Variants in KATNAL1 observed in about 807,000 individuals in gnomAD.
KATNAL1 encodes katanin catalytic subunit A1 like 1.
A neutral mutation model predicts 55.2 loss-of-function variants in KATNAL1; 32 were observed. The observed-to-expected ratio is 0.58, with a 90% CI of 0.44 to 0.78. The LOEUF (loss-of-function observed/expected upper bound fraction) is 0.78. KATNAL1 is among the 30% of genes least tolerant of loss of function. KATNAL1 has a pLI of 0.00. For missense variants in KATNAL1, 466 were observed against 600.9 expected, an observed-to-expected ratio of 0.78 and a Z score of 2.35; for synonymous variants, 193 against 193.6, an observed-to-expected ratio of 1.00 and a Z score of 0.02.
chr13:30,287,585 T>A (rs1175477166), intron 1 of KATNAL1, among the ~76,000 whole-genome samples: 1 of 152,194 alleles, frequency 6.6e-6, no homozygotes, highest in Admixed American at 6.5e-5. Context: ...AGTAACAAAT[T>A]TCAATGTCCA....
chr13:30,258,772 C>G (rs1038409514), intron 3 of KATNAL1, among the ~76,000 whole-genome samples: 1 of 151,640 alleles, frequency 6.6e-6, no homozygotes, highest in Admixed American at 6.6e-5. Flanking sequence ...TTTTTTTTCA[C>G]CCAAATGGAT....
chr13:30,207,990 G>A lies in KATNAL1; in HGVS notation c.*550C>T, dbSNP rs1162149874. The A allele has an allele frequency of 6.6e-5, 10 of 152,198 alleles. No individual in the cohort carries two copies. Among genetic ancestry groups the A allele is most frequent in the Admixed American group, 6.5e-4 (10 of 15,278 alleles). 9.4% of individuals were successfully genotyped at this position (152,198 alleles called of 1,614,324 possible). The stretch of plus-strand genomic sequence containing the variant: ...GTAGCTAGCAGAAGAAATGGCAGGG[G>A]TAGCGGAAGTAAAAATTCTAACCAT... On this transcript the variant is annotated 3_prime_UTR_variant, in exon 11 of 11. Coordinates refer to ENST00000380615, the MANE Select transcript of KATNAL1 (RefSeq NM_032116.5).
intron 3 of KATNAL1, among the ~76,000 whole-genome samples, chr13:30,265,557 T>TCA (rs934318814): frequency 7.2e-5 from 11 of 152,178 alleles, no homozygotes; most frequent in Admixed American, 5.9e-4. Flanking sequence ...AGAATACTCT[T>TCA]CAGAGGCTTA....
intron 9 of KATNAL1, among the ~76,000 whole-genome samples, chr13:30,226,038 A>G (rs751572997): frequency 5.9e-5 from 9 of 152,160 alleles, no homozygotes; most frequent in Non-Finnish European, 1.5e-5. Flanking sequence ...AAGGTACTCA[A>G]CGTAAGTCAT....
At chr13:30,228,294 C>T (rs1321730989) in intron 8 of KATNAL1, among the ~76,000 whole-genome samples, 1 of 152,128 alleles carries the variant, frequency 6.6e-6, no homozygotes, top group Non-Finnish European at 1.5e-5. Context: ...TAATAAAGTG[C>T]TAGTGGACTT....
chr13:30,247,752 T>A (rs569428815), intron 4 of KATNAL1, among the ~76,000 whole-genome samples: 27 of 152,280 alleles, frequency 1.8e-4, no homozygotes, highest in South Asian at 4.1e-4. Flanking sequence ...GCATTTAATC[T>A]AAGATAAGAA....
chr13:30,229,246 A>C (rs1010627991), intron 8 of KATNAL1, among the ~76,000 whole-genome samples: 8 of 149,530 alleles, frequency 5.4e-5, no homozygotes, highest in African/African-American at 2.0e-4. Context: ...CAACTTGGCT[A>C]TCTCTTTCCA....
chr13:30,232,105 T>G (rs924558799), intron 6 of KATNAL1, among the ~76,000 whole-genome samples: 1 of 152,170 alleles, frequency 6.6e-6, no homozygotes, highest in Non-Finnish European at 1.5e-5. Flanking sequence ...AGTTACTTCT[T>G]AGTTTTGAAA....
intron 1 of KATNAL1, among the ~76,000 whole-genome samples, chr13:30,289,470 T>C (rs1020656109): frequency 6.6e-6 from 1 of 152,250 alleles, no homozygotes; most frequent in Non-Finnish European, 1.5e-5. Context: ...CTGATTTTTA[T>C]TTTCTAATTT....
chr13:30,267,206 T>C (rs1424965584), intron 3 of KATNAL1, among the ~76,000 whole-genome samples: 1 of 152,364 alleles, frequency 6.6e-6, no homozygotes, highest in Admixed American at 6.5e-5. Flanking sequence ...AAACCTAAGA[T>C]ACTTAATTTA....
At chr13:30,213,276 A>G (rs1163454838) in intron 9 of KATNAL1, among the ~76,000 whole-genome samples, 1 of 152,250 alleles carries the variant, frequency 6.6e-6, no homozygotes, top group Non-Finnish European at 1.5e-5. Context: ...TTGTGGCAAT[A>G]ATCAATAGCT....
At chr13:30,297,044 A>G (rs963876729) in intron 1 of KATNAL1, among the ~76,000 whole-genome samples, 1 of 151,686 alleles carries the variant, frequency 6.6e-6, no homozygotes, top group South Asian at 2.1e-4. Flanking sequence ...CTGGGGCGGG[A>G]TGATCGCTTG....
chr13:30,294,855 C>T (rs1310082411), intron 1 of KATNAL1, among the ~76,000 whole-genome samples: 2 of 152,236 alleles, frequency 1.3e-5, no homozygotes, highest in Non-Finnish European at 2.9e-5. Context: ...GATCCTAGGG[C>T]CCTTAAGAGT....
At chr13:30,249,279 A>T (rs532309920) in intron 4 of KATNAL1, among the ~76,000 whole-genome samples, 3 of 152,016 alleles carry the variant, frequency 2.0e-5, no homozygotes, top group Non-Finnish European at 4.4e-5. Context: ...AAGGATGTGG[A>T]GCAACTGAAA....
At chr13:30,249,651 A>C (rs1434188763) in intron 4 of KATNAL1, among the ~76,000 whole-genome samples, 1 of 152,258 alleles carries the variant, frequency 6.6e-6, no homozygotes, top group Non-Finnish European at 1.5e-5. Flanking sequence ...TACTGTACAT[A>C]AAGTTCCAAA....
rs116692733 is a variant in KATNAL1, at chr13:30,249,784, T to C, written c.492+5663A>G. Among the ~76,000 whole-genome samples, 712 of 152,320 alleles carry C rather than the reference T, an allele frequency of 4.7e-3. 4 individuals carry two copies. The highest frequency in any genetic ancestry group is 0.025 in the South Asian group (121 of 4,818). On this transcript the variant is annotated intron_variant, in intron 4 of 10. Coordinates refer to ENST00000380615, the MANE Select transcript of KATNAL1 (RefSeq NM_032116.5). ...TCTGAGGTGCCAAATGTTCGATTTC[T>C]TGACCCCAGAGCTGATGGTTACATT...
At chr13:30,277,722 G>A (rs895229633) in intron 3 of KATNAL1, among the ~76,000 whole-genome samples, 4 of 152,072 alleles carry the variant, frequency 2.6e-5, no homozygotes, top group Admixed American at 6.5e-5. Flanking sequence ...GGTGGCTCAC[G>A]CCTGTAATCC....
intron 8 of KATNAL1, 97 bp from the exon 9 acceptor site, chr13:30,227,643 C>T (rs960385826): frequency 1.6e-5 from 22 of 1,373,124 alleles, no homozygotes; most frequent in African/African-American, 1.2e-4. Context: ...GCAGAATCAA[C>T]GATAAAGAAA....
chr13:30,299,069 C>T (rs949733646), intron 1 of KATNAL1, among the ~76,000 whole-genome samples: 1 of 152,092 alleles, frequency 6.6e-6, no homozygotes, highest in Non-Finnish European at 1.5e-5. Flanking sequence ...ATTATATTGA[C>T]AGCTAACTTT....
Sources: allele counts gnomAD v4.1 joint callset (sites outside exome capture counted in the v4.1 genomes callset), GRCh38; gene constraint gnomAD v4.1.1; transcripts MANE v1.5; gene names NCBI Gene and HGNC (gene_info 2026-07-23, HGNC 2026-07-21).